The following GARIN1B variants were observed in gnomAD, a reference collection of about 807,000 sequenced individuals.
GARIN1B encodes the protein golgi associated RAB2 interactor 1B, also known as Golgi-associated RAB2 interactor protein 1B.
chr7:128,719,919 G>A, the GARIN1B span, among the ~76,000 whole-genome samples: 1 of 151,690 alleles, frequency 6.6e-6, no homozygotes, highest in East Asian at 2.0e-4. Context: ...AGGCTGGTCT[G>A]GAACTCCTGA....
At chr7:128,723,366 C>A in the GARIN1B span, 4 of 1,591,904 alleles carry the variant, frequency 2.5e-6, no homozygotes. Flanking sequence ...TCCTGCAACC[C>A]AGATGGTCTG....
chr7:128,723,395 C>A, the GARIN1B span: 1 of 1,549,562 alleles, frequency 6.5e-7, no homozygotes, highest in South Asian at 1.1e-5. Context: ...GATCCAGAAA[C>A]CAAATAGCTT....
the GARIN1B span, among the ~76,000 whole-genome samples, chr7:128,728,903 G>T: frequency 6.6e-6 from 1 of 152,150 alleles, no homozygotes; most frequent in Admixed American, 6.5e-5. Flanking sequence ...TGACATGATG[G>T]TGACTCATTT....
At chr7:128,720,346 GCAC>G in the GARIN1B span, among the ~76,000 whole-genome samples, 3 of 151,734 alleles carry the variant, frequency 2.0e-5, no homozygotes, top group African/African-American at 7.3e-5. Context: ...TTACAAGCAT[GCAC>G]CACCACACTC....
At chr7:128,719,678 T>C in the GARIN1B span, among the ~76,000 whole-genome samples, 1 of 150,180 alleles carries the variant, frequency 6.7e-6, no homozygotes, top group East Asian at 1.9e-4. Context: ...GTATTTGTAG[T>C]TTTTTTTGTT....
At chr7:128,716,626 T>C in the GARIN1B span, among the ~76,000 whole-genome samples, 3 of 151,592 alleles carry the variant, frequency 2.0e-5, no homozygotes, top group Non-Finnish European at 4.4e-5. Flanking sequence ...CTGGTAGTGC[T>C]ACTAGAACTA....
the GARIN1B span, among the ~76,000 whole-genome samples, chr7:128,711,945 G>A: frequency 6.6e-6 from 1 of 152,228 alleles, no homozygotes; most frequent in Non-Finnish European, 1.5e-5. Flanking sequence ...GGAGGCTGAG[G>A]CAGGAGAATC....
the GARIN1B span, chr7:128,718,778 G>C: frequency 6.3e-7 from 1 of 1,588,690 alleles, no homozygotes; most frequent in Non-Finnish European, 8.6e-7. Context: ...CGAAGACAGG[G>C]TCAGATTGGA....
At chr7:128,709,937 A>G in the GARIN1B span, among the ~76,000 whole-genome samples, 1 of 151,452 alleles carries the variant, frequency 6.6e-6, no homozygotes, top group Non-Finnish European at 1.5e-5. Flanking sequence ...ATCTTTAGTA[A>G]AGATGGGGTT....
the GARIN1B span, among the ~76,000 whole-genome samples, chr7:128,730,384 G>A: frequency 6.6e-6 from 1 of 151,860 alleles, no homozygotes; most frequent in Admixed American, 6.6e-5. Flanking sequence ...TCCTTTCCTG[G>A]AGCTCTTGAA....
At chr7:128,725,338 TTTCCTTCCTTCC>T in the GARIN1B span, among the ~76,000 whole-genome samples, 590 of 149,514 alleles carry the variant, frequency 3.9e-3, 3 homozygotes, top group African/African-American at 0.012. Flanking sequence ...ATCAAATCAC[TTTCCTTCCTTCC>T]TTCCTTCCTT....
the GARIN1B span, chr7:128,723,160 C>T: frequency 1.3e-6 from 2 of 1,572,166 alleles, no homozygotes; most frequent in Non-Finnish European, 1.7e-6. Context: ...GACCCCAAGG[C>T]CTTAACCACC....
the GARIN1B span, among the ~76,000 whole-genome samples, chr7:128,722,543 C>T: frequency 6.6e-5 from 10 of 152,256 alleles, no homozygotes; most frequent in Non-Finnish European, 1.0e-4. Context: ...CGGTGGCTCA[C>T]GCTTATTATC....
the GARIN1B span, chr7:128,730,127 G>C: frequency 6.4e-7 from 1 of 1,569,408 alleles, no homozygotes; most frequent in Non-Finnish European, 8.7e-7. Context: ...TTCAGCCTCA[G>C]GGCTGGGTCA....
At chr7:128,721,945 G>A in the GARIN1B span, among the ~76,000 whole-genome samples, 7 of 151,814 alleles carry the variant, frequency 4.6e-5, no homozygotes, top group Non-Finnish European at 8.8e-5. Context: ...GTGTTCCTGC[G>A]ATAAAATCTG....
At chr7:128,716,015 C>T in the GARIN1B span, among the ~76,000 whole-genome samples, 11,304 of 152,226 alleles carry the variant, frequency 0.074, 834 homozygotes, top group East Asian at 0.25. Flanking sequence ...TAAAAAGAGA[C>T]GCTTCTTGAG....
chr7:128,728,356 C>T, the GARIN1B span, among the ~76,000 whole-genome samples: 3 of 152,006 alleles, frequency 2.0e-5, no homozygotes, highest in African/African-American at 4.8e-5. Flanking sequence ...ACAGGAGAAT[C>T]GCTTGAATCT....
At chr7:128,729,816 G>A in the GARIN1B span, 216,574 of 1,424,956 alleles carry the variant, frequency 0.15, 18,616 homozygotes, top group East Asian at 0.38. Context: ...CTGGCACATC[G>A]TAAGCACCCC....
chr7:128,728,006 A>G, the GARIN1B span, among the ~76,000 whole-genome samples: 3 of 152,238 alleles, frequency 2.0e-5, no homozygotes, highest in Admixed American at 2.0e-4. Context: ...GCACTAATAA[A>G]TTATTCCTTC....
Sources: allele counts gnomAD v4.1 joint callset (sites outside exome capture counted in the v4.1 genomes callset), GRCh38; gene constraint gnomAD v4.1.1; transcripts MANE v1.5; gene names NCBI Gene and HGNC (gene_info 2026-07-23, HGNC 2026-07-21).